PRDM16: variants seen among roughly 807,000 people sequenced by gnomAD.
PRDM16 encodes the protein PR/SET domain 16.
Under a neutral mutation model 110.6 loss-of-function variants are expected in PRDM16, and 23 were observed. The ratio of observed to expected loss-of-function variants is 0.21; its 90% CI spans 0.15 to 0.29. The LOEUF (loss-of-function observed/expected upper bound fraction) is 0.29. Among genes scored for constraint, PRDM16 ranks in the 10% least tolerant of loss-of-function variants. The probability of loss-of-function intolerance (pLI) is 1.00; values close to 1 mark genes in which losing one functional copy is unlikely to be tolerated. For missense variants in PRDM16, 1,615 were observed against 1,794.3 expected (o/e 0.90, Z 1.81); for synonymous variants, 799 against 781.8 (o/e 1.02, Z -0.37).
intron 1 of PRDM16, among the ~76,000 whole-genome samples, chr1:3,145,665 G>A (rs949598308): frequency 5.3e-5 from 8 of 152,182 alleles, no homozygotes; most frequent in South Asian, 2.1e-4. Context: ...CAGTCAGGAC[G>A]TGCTTCACTC....
In PRDM16 at chr1:3,370,894, C is replaced by T. The variant is rs1642893267; in HGVS notation, c.439-14258C>T. Among the ~76,000 whole-genome samples the T allele has an allele frequency of 6.7e-6, 1 of 150,290 alleles. No homozygotes were observed. Among genetic ancestry groups the T allele is most frequent in the South Asian group, 2.1e-4 (1 of 4,654 alleles). ...ATCCATCCACCCACCCATCCACCAT[C>T]CATTCATCCATCCATCCATCCATGC... is the stretch of plus-strand genomic sequence containing the variant. On this transcript the variant is annotated intron_variant, in intron 3 of 16. Transcript: ENST00000270722. This position sits in a 1 kb window ranked among gnomAD's most constrained non-coding sequence, Gnocchi z 4.8.
intron 3 of PRDM16, among the ~76,000 whole-genome samples, chr1:3,321,855 TGA>T (rs766024224): frequency 6.0e-5 from 9 of 151,142 alleles, no homozygotes; most frequent in East Asian, 5.9e-4. Flanking sequence ...GGTCCGTGTG[TGA>T]GTGTGTGCAT....
chr1:3,077,230 C>T lies in PRDM16; in HGVS notation c.37+7934C>T, dbSNP rs144166316. 7.9e-5 allele frequency among the ~76,000 whole-genome samples: 12 copies of T among 152,312 alleles called. No individual in the cohort carries two copies. In the East Asian group the frequency reaches 1.2e-3, roughly 15 times the overall value. On this transcript the variant is annotated intron_variant, in intron 1 of 16. Coordinates refer to ENST00000270722, the MANE Select transcript of PRDM16 (RefSeq NM_022114.4). ...CTGCTGGCGAGGTCTCCCGTGGGCC[C>T]GGGCCCTGCCCCCTGACACAAGCTC...
In PRDM16 at chr1:3,396,565, C is replaced by T. The variant is rs1266891555; in HGVS notation, c.648C>T (p.Pro216=). 6.2e-7 allele frequency: 1 copy of T among 1,602,254 alleles called. No homozygotes were observed. Among genetic ancestry groups the T allele is most frequent in the African/African-American group, 1.3e-5 (1 of 74,812 alleles). ...LLVHVKEGVY[P]LGTVPPGLDE... is the part of the protein sequence containing the mutation. ...TGCACGTGAAGGAAGGCGTCTACCC[C>T]CTGGGCACAGTGCCGCCCGGCCTGG... Residue 216 remains proline (P), a synonymous_variant, in exon 5 of 17, where the codon CCC becomes CCT. Transcript: ENST00000270722.
chr1:3,420,415 C>T (rs150755916), intron 12 of PRDM16, among the ~76,000 whole-genome samples: 123 of 152,358 alleles, frequency 8.1e-4, no homozygotes, highest in Non-Finnish European at 1.6e-3. Context: ...CCAGCACCCA[C>T]GTGTGTGCCC....
intron 2 of PRDM16, among the ~76,000 whole-genome samples, chr1:3,203,583 G>C (rs1057145875): frequency 9.4e-6 from 1 of 106,740 alleles, no homozygotes; most frequent in Non-Finnish European, 1.7e-5. Context: ...TTCTCTCCCC[G>C]GGGGGGCCAG....
chr1:3,304,152 G>A (rs952480849), intron 3 of PRDM16, among the ~76,000 whole-genome samples: 67 of 147,102 alleles, frequency 4.6e-4, no homozygotes, highest in African/African-American at 1.6e-3. Flanking sequence ...GCTGGGGAGC[G>A]CAGGAGGCCG....
intron 3 of PRDM16, among the ~76,000 whole-genome samples, chr1:3,368,302 G>A (rs1482950406): frequency 6.6e-6 from 1 of 152,238 alleles, no homozygotes; most frequent in Admixed American, 6.5e-5. Context: ...CGACACCTCT[G>A]TCTGGAGAGA....
At position 3,411,529 on chromosome 1, in the gene PRDM16, C is replaced by A; in HGVS notation, c.1332C>A (p.Phe444Leu). 1 of 1,614,198 alleles carries A rather than the reference C, an allele frequency of 6.2e-7. No homozygotes were observed. Among genetic ancestry groups the A allele is most frequent in the Non-Finnish European group, 8.5e-7 (1 of 1,180,046 alleles). ...TTSSLNKHRR[F>L]CEGKNHYTPG... is the part of the protein sequence containing the mutation. ...CCTCCCTCAACAAGCACCGGCGCTT[C>A]TGCGAGGGCAAGAACCATTACACGC... is the stretch of plus-strand genomic sequence containing the variant. Residue 444 changes from phenylalanine (F) to leucine (L), a missense_variant, in exon 9 of 17, where the codon TTC (phenylalanine) becomes TTA (leucine). This residue lies in a region of PRDM16 where 772 missense variants were observed against 748.3 expected (regional missense o/e 1.03). Transcript: ENST00000270722.
intron 3 of PRDM16, among the ~76,000 whole-genome samples, chr1:3,346,846 C>T (rs570118725): frequency 3.2e-4 from 48 of 152,328 alleles, no homozygotes; most frequent in South Asian, 1.5e-3. Context: ...AATGAGTGAC[C>T]ATGCAACCAA....
At chr1:3,123,385 C>T (rs1031413077) in intron 1 of PRDM16, among the ~76,000 whole-genome samples, 7 of 152,204 alleles carry the variant, frequency 4.6e-5, no homozygotes, top group Admixed American at 2.0e-4. Flanking sequence ...GTGTGGCACC[C>T]GTGCAGAGGG....
intron 1 of PRDM16, among the ~76,000 whole-genome samples, chr1:3,099,426 A>G (rs931352733): frequency 8.5e-5 from 13 of 152,244 alleles, no homozygotes; most frequent in African/African-American, 3.1e-4. Context: ...GAGGCCCCGG[A>G]GCCCCGGATG....
intron 2 of PRDM16, among the ~76,000 whole-genome samples, chr1:3,215,886 CCCGGGG>C (rs1171385825): frequency 1.3e-5 from 2 of 152,172 alleles, no homozygotes; most frequent in Non-Finnish European, 2.9e-5. Flanking sequence ...TCCCATTGTT[CCCGGGG>C]CCGATTCAGA....
chr1:3,239,696 C>T (rs1001025482), intron 2 of PRDM16, among the ~76,000 whole-genome samples: 2 of 152,240 alleles, frequency 1.3e-5, no homozygotes, highest in Non-Finnish European at 2.9e-5. Flanking sequence ...CGCCTGTCAT[C>T]CTAGCACTTT....
intron 1 of PRDM16, among the ~76,000 whole-genome samples, chr1:3,118,378 C>T (rs189398687): frequency 3.3e-5 from 5 of 152,278 alleles, no homozygotes; most frequent in Admixed American, 1.3e-4. Flanking sequence ...CCTGGCCCCT[C>T]GGAAGCGTGA....
intron 9 of PRDM16, among the ~76,000 whole-genome samples, chr1:3,413,681 G>A (rs904326824): frequency 3.3e-5 from 5 of 152,192 alleles, no homozygotes; most frequent in Admixed American, 2.6e-4. Context: ...CAACGGGGTG[G>A]CAGGTTTACC....
At chr1:3,326,787 G>T (rs11809320) in intron 3 of PRDM16, among the ~76,000 whole-genome samples, 2,058 of 152,314 alleles carry the variant, frequency 0.014, 47 homozygotes, top group African/African-American at 0.047. Flanking sequence ...CCCACCAGCC[G>T]CCGCGTGGCC....
At chr1:3,387,138 G>A (rs996349340) in intron 4 of PRDM16, among the ~76,000 whole-genome samples, 1 of 152,152 alleles carries the variant, frequency 6.6e-6, no homozygotes, top group Non-Finnish European at 1.5e-5. Flanking sequence ...TTTTTGCCAG[G>A]ATGGAAGAAT....
chr1:3,089,883 C>T (rs997094217), intron 1 of PRDM16, among the ~76,000 whole-genome samples: 2 of 151,984 alleles, frequency 1.3e-5, no homozygotes, highest in African/African-American at 4.8e-5. Context: ...GAAAGCTGCT[C>T]AGAACCACTG....
Sources: allele counts gnomAD v4.1 joint callset (sites outside exome capture counted in the v4.1 genomes callset), GRCh38; gene constraint gnomAD v4.1.1; regional missense constraint gnomAD v4.1.1; non-coding constraint Gnocchi (gnomAD v3.1); transcripts MANE v1.5; gene names NCBI Gene and HGNC (gene_info 2026-07-23, HGNC 2026-07-21).